MYO16: variants seen among roughly 807,000 people sequenced by gnomAD.
MYO16 encodes the protein myosin XVI, also known as unconventional myosin-XVI.
A neutral mutation model predicts 205.3 loss-of-function variants in MYO16; 94 were observed. The observed-to-expected ratio is 0.46, with a 90% CI of 0.39 to 0.54. MYO16 has a LOEUF of 0.54. Ranked by LOEUF, MYO16 falls within the 20% of genes least tolerant of loss-of-function variation. The probability of loss-of-function intolerance (pLI) is 0.00; values close to 1 mark genes in which losing one functional copy is unlikely to be tolerated. For missense variants in MYO16, 2,315 were observed against 2,387.5 expected, an observed-to-expected ratio of 0.97 and a Z score of 0.63; for synonymous variants, 988 against 954.0, an observed-to-expected ratio of 1.04 and a Z score of -0.66.
intron 32 of MYO16, among the ~76,000 whole-genome samples, chr13:109,161,017 A>G (rs1369860856): frequency 6.6e-6 from 1 of 152,188 alleles, no homozygotes; most frequent in Non-Finnish European, 1.5e-5. Flanking sequence ...AGTGTGTTGA[A>G]TCTAGAAATT....
At chr13:108,521,906 T>C in the MYO16 span, among the ~76,000 whole-genome samples, 1 of 152,230 alleles carries the variant, frequency 6.6e-6, no homozygotes, top group Non-Finnish European at 1.5e-5. Context: ...TAATCTGCAA[T>C]GATATAAATA....
chr13:108,548,309 G>A, the MYO16 span, among the ~76,000 whole-genome samples: 1 of 151,300 alleles, frequency 6.6e-6, no homozygotes, highest in African/African-American at 2.4e-5. Context: ...GATAAAAATG[G>A]TGATGATTGT....
In MYO16 at chr13:108,630,554, G is replaced by C. The variant is rs536418840; in HGVS notation, c.28+682G>C. 4.5e-4 allele frequency among the ~76,000 whole-genome samples: 69 copies of C among 152,290 alleles called. 1 individual carries two copies. Among genetic ancestry groups the C allele is most frequent in the Admixed American group, 4.1e-3 (63 of 15,300 alleles). ...ACTTCCATCTAAACCAATTCTGGAT[G>C]GTAATAATGAAGAGGAAGACATATT... On this transcript the variant is annotated intron_variant, in intron 1 of 34. Transcript: ENST00000457511.
chr13:108,540,973 T>C, the MYO16 span, among the ~76,000 whole-genome samples: 1 of 152,104 alleles, frequency 6.6e-6, no homozygotes, highest in African/African-American at 2.4e-5. Context: ...ACATGCGAAG[T>C]GTTGATTTAA....
At chr13:108,967,377 G>A (rs909538772) in intron 20 of MYO16, among the ~76,000 whole-genome samples, 1 of 152,116 alleles carries the variant, frequency 6.6e-6, no homozygotes, top group Non-Finnish European at 1.5e-5. Context: ...TCTCTACCTG[G>A]ATCCAAATAG....
intron 4 of MYO16, among the ~76,000 whole-genome samples, chr13:108,772,545 G>A (rs2138883904): frequency 6.6e-6 from 1 of 152,046 alleles, no homozygotes; most frequent in East Asian, 1.9e-4. Flanking sequence ...TAAAGAGAAA[G>A]GACCTCAAAT....
At chr13:109,019,327 A>G (rs1885941999) in intron 22 of MYO16, among the ~76,000 whole-genome samples, 1 of 152,026 alleles carries the variant, frequency 6.6e-6, no homozygotes, top group African/African-American at 2.4e-5. Flanking sequence ...ATTTTTTGAT[A>G]AGTTTCTTGT....
the MYO16 span, among the ~76,000 whole-genome samples, chr13:108,528,982 G>A: frequency 6.6e-6 from 1 of 151,774 alleles, no homozygotes; most frequent in South Asian, 2.1e-4. Flanking sequence ...CCAGAAAACT[G>A]CATACTCCTT....
chr13:108,869,709 C>A (rs1325774772), intron 12 of MYO16, among the ~76,000 whole-genome samples: 5 of 118,054 alleles, frequency 4.2e-5, no homozygotes, highest in Admixed American at 3.5e-4. Context: ...CCAGCCTGGG[C>A]GACAGAGCGA....
At chr13:108,771,871 G>A (rs1885976938) in intron 4 of MYO16, among the ~76,000 whole-genome samples, 1 of 151,996 alleles carries the variant, frequency 6.6e-6, no homozygotes, top group African/African-American at 2.4e-5. Flanking sequence ...ATGTCTGGAT[G>A]TACCACAGTT....
chr13:108,822,967 A>C (rs1876058485), intron 8 of MYO16, among the ~76,000 whole-genome samples, 158 bp from the exon 9 acceptor site: 1 of 152,182 alleles, frequency 6.6e-6, no homozygotes, highest in African/African-American at 2.4e-5. Flanking sequence ...ACAGTACTTC[A>C]ATTTTATCCC....
intron 4 of MYO16, among the ~76,000 whole-genome samples, chr13:108,784,459 G>A (rs1352094966): frequency 6.6e-6 from 1 of 152,074 alleles, no homozygotes; most frequent in African/African-American, 2.4e-5. Flanking sequence ...GGGGGAAAAT[G>A]TTAAGATACG....
rs1052107997 is a variant in MYO16 at position 108,885,987 on chromosome 13, C to CT, written c.1554-2374dup. Among the ~76,000 whole-genome samples the CT allele has an allele frequency of 7.3e-3, 1,089 of 148,572 alleles. 10 individuals are homozygous for CT. Among genetic ancestry groups the CT allele is most frequent in the Non-Finnish European group, 9.6e-3 (643 of 67,036 alleles). ...CTGCAGAACTAGTTTTGCTTTGGGT[C>CT]TTTTTTTTTTTGATATGGAGTCTTG... On this transcript the variant is annotated intron_variant, in intron 13 of 34. Transcript: ENST00000457511.
intron 13 of MYO16, among the ~76,000 whole-genome samples, chr13:108,885,267 G>A (rs1410803924): frequency 6.6e-6 from 1 of 152,216 alleles, no homozygotes; most frequent in African/African-American, 2.4e-5. Context: ...TTACAGGCAT[G>A]TGCCACCACG....
chr13:108,828,418 C>A (rs1876404496), intron 9 of MYO16, among the ~76,000 whole-genome samples: 1 of 152,030 alleles, frequency 6.6e-6, no homozygotes, highest in Non-Finnish European at 1.5e-5. Context: ...TGACCTTGAG[C>A]AATTCAGTCA....
rs939813150 is a variant in MYO16, at chr13:109,022,562, C to T, written c.2796+2651C>T. On this transcript the variant is annotated intron_variant, in intron 23 of 34. Transcript: ENST00000457511. The stretch of plus-strand genomic sequence containing the variant: ...CATATGTATATATTTCTATATTCTA[C>T]ATACACATATAAACATATGTATATA... 6.7e-4 allele frequency among the ~76,000 whole-genome samples: 80 copies of T among 120,056 alleles called. 2 individuals carry two copies. The highest frequency in any genetic ancestry group is 2.4e-3 in the African/African-American group (74 of 31,308). The allele number at this position is 120,056 out of a possible 152,430, so 78.8% of individuals were successfully genotyped here. A position where few individuals can be genotyped will look rare whatever the true frequency, so the allele number is the denominator to read the frequency against.
the MYO16 span, among the ~76,000 whole-genome samples, chr13:108,539,325 G>T: frequency 1.3e-5 from 2 of 152,098 alleles, no homozygotes; most frequent in African/African-American, 4.8e-5. Flanking sequence ...TTGCAAGGCA[G>T]GACAGGGCCC....
chr13:108,787,298 T>C (rs981911761), intron 5 of MYO16, among the ~76,000 whole-genome samples: 1 of 152,180 alleles, frequency 6.6e-6, no homozygotes, highest in Non-Finnish European at 1.5e-5. Flanking sequence ...TTTGGTATGT[T>C]GGTCATACTG....
At chr13:108,840,449 C>T (rs1877185438) in intron 9 of MYO16, among the ~76,000 whole-genome samples, 1 of 152,058 alleles carries the variant, frequency 6.6e-6, no homozygotes, top group African/African-American at 2.4e-5. Flanking sequence ...TCTCTTCTTG[C>T]TATGTCAAGG....
Sources: allele counts gnomAD v4.1 joint callset (sites outside exome capture counted in the v4.1 genomes callset), GRCh38; gene constraint gnomAD v4.1.1; transcripts MANE v1.5; gene names NCBI Gene and HGNC (gene_info 2026-07-23, HGNC 2026-07-21).